SMAD6: variants seen among roughly 807,000 people sequenced by gnomAD.
The protein encoded by SMAD6 is MAD homolog 6.
Under a neutral mutation model 39.4 loss-of-function variants are expected in SMAD6, and 103 were observed. That is an observed-to-expected ratio of 2.62 (90% CI 2.23 to 3.08). SMAD6 has a LOEUF of 3.08. Ranked by LOEUF, SMAD6 falls within the 30% of genes most tolerant of loss-of-function variation. The pLI, the probability that SMAD6 is intolerant of heterozygous loss-of-function variation, is 0.00. For synonymous variants in SMAD6, 445 were observed against 353.3 expected (o/e 1.26, Z -2.91); for missense variants, 1,104 against 742.9 (o/e 1.49, Z -5.65).
chr15:66,764,169 A>C (rs571631722), intron 3 of SMAD6, among the ~76,000 whole-genome samples: 2 of 152,386 alleles, frequency 1.3e-5, no homozygotes, highest in South Asian at 2.1e-4. Context: ...GTTAGAGGTC[A>C]TGCAGAGATC....
intron 3 of SMAD6, among the ~76,000 whole-genome samples, chr15:66,719,112 C>G (rs1371932612): frequency 6.6e-6 from 1 of 152,210 alleles, no homozygotes; most frequent in African/African-American, 2.4e-5. Context: ...GTGTGATTCT[C>G]CCCATTTCAT....
Position 66,781,929 on chromosome 15 carries a change from T to G in SMAD6, c.*394T>G. 1 of 398,960 alleles carries G rather than the reference T, an allele frequency of 2.5e-6. No homozygotes were observed. The highest frequency in any genetic ancestry group is 3.6e-5 in the East Asian group (1 of 28,058). 24.7% of individuals were successfully genotyped at this position (398,960 alleles called of 1,614,324 possible). On this transcript the variant is annotated 3_prime_UTR_variant, in exon 4 of 4. Transcript: ENST00000288840. ...TGGGTTTGGTGTATGGTTTTTGAGA[T>G]ATTAATGCCCAGACAAAAAGCTAAT...
intron 3 of SMAD6, among the ~76,000 whole-genome samples, chr15:66,721,059 G>A (rs1175650468): frequency 1.3e-5 from 2 of 152,194 alleles, no homozygotes; most frequent in African/African-American, 4.8e-5. Context: ...CAGACTGTAA[G>A]CTCCTTGAGG....
At chr15:66,705,022 C>T (rs934410589) in intron 1 of SMAD6, 2 of 152,396 alleles carry the variant, frequency 1.3e-5, no homozygotes, top group Non-Finnish European at 2.9e-5. Flanking sequence ...TAGCTAGCCT[C>T]TGAGGGATGT....
At chr15:66,721,967 G>A (rs1419257692) in intron 3 of SMAD6, among the ~76,000 whole-genome samples, 2 of 152,192 alleles carry the variant, frequency 1.3e-5, no homozygotes, top group Non-Finnish European at 1.5e-5. Flanking sequence ...AGGATTTGGA[G>A]CATTCCAGGT....
At chr15:66,769,111 C>T (rs1003824903) in intron 3 of SMAD6, among the ~76,000 whole-genome samples, 2 of 152,136 alleles carry the variant, frequency 1.3e-5, no homozygotes, top group Non-Finnish European at 1.5e-5. Context: ...TCATCGAGTG[C>T]CGGGTACTGT....
chr15:66,717,312 G>T, intron 3 of SMAD6: 1 of 463,952 alleles, frequency 2.2e-6, no homozygotes, highest in Non-Finnish European at 4.3e-6. Context: ...CTCCATCTGA[G>T]ACATTCTTCC....
chr15:66,748,684 G>A (rs1304275057), intron 3 of SMAD6, among the ~76,000 whole-genome samples: 1 of 152,136 alleles, frequency 6.6e-6, no homozygotes, highest in Non-Finnish European at 1.5e-5. Context: ...GGCCCTTTCA[G>A]GGGAGGGAGT....
intron 3 of SMAD6, among the ~76,000 whole-genome samples, chr15:66,752,979 A>T (rs1342830274): frequency 6.6e-6 from 1 of 152,162 alleles, no homozygotes; most frequent in Non-Finnish European, 1.5e-5. Context: ...ACATTTGCTA[A>T]AGGCATACAT....
At chr15:66,714,708 G>T (rs186107178) in intron 2 of SMAD6, among the ~76,000 whole-genome samples, 1 of 152,190 alleles carries the variant, frequency 6.6e-6, no homozygotes. Flanking sequence ...AGTGATGGAG[G>T]CTGGGAACAT....
Position 66,781,100 on chromosome 15 carries a change from G to T in SMAD6, c.1056G>T (p.Gln352His). 6.2e-7 allele frequency: 1 copy of T among 1,608,706 alleles called. No homozygotes were observed. The highest frequency in any genetic ancestry group is 8.5e-7 in the Non-Finnish European group (1 of 1,179,606). Residue 352 changes from glutamine (Q) to histidine (H), a missense_variant, in exon 4 of 4, where the codon CAG (glutamine) becomes CAT (histidine). Gln to His is a conservative substitution (Grantham distance 24). Coordinates refer to ENST00000288840, the MANE Select transcript of SMAD6 (RefSeq NM_005585.5). ...GCCGCCTCTATGCGGTGTACGACCA[G>T]GCCGTCAGCATCTTCTACGACCTAC... ...RVGRLYAVYD[Q>H]AVSIFYDLPQ...
chr15:66,710,249 C>A (rs1171916072), intron 1 of SMAD6, among the ~76,000 whole-genome samples: 5 of 152,206 alleles, frequency 3.3e-5, no homozygotes, highest in Non-Finnish European at 5.9e-5. Flanking sequence ...GCATAATTAA[C>A]TACTCTGTAC....
Position 66,749,898 on chromosome 15 carries a change from G to T in SMAD6, c.953-31099G>T, listed in dbSNP as rs1023535593. On this transcript the variant is annotated intron_variant, in intron 3 of 3. Transcript: ENST00000288840. The stretch of plus-strand genomic sequence containing the variant: ...TGTTCAGAGTTGCTGGGACAGTGGA[G>T]CCTGCTGCAGATTGGATTTGGCTCT... Among the ~76,000 whole-genome samples the T allele has an allele frequency of 9.8e-5, 15 of 152,330 alleles. No homozygotes were observed. In the South Asian group the frequency reaches 2.9e-3, roughly 29 times the overall value.
In SMAD6 at chr15:66,717,319, T is replaced by G. The variant is rs748391527; in HGVS notation, c.952+821T>G. 1.5e-5 allele frequency: 7 copies of G among 460,496 alleles called. 1 individual carries two copies. The highest frequency in any genetic ancestry group is 9.3e-5 in the South Asian group (6 of 64,654). The allele number at this position is 460,496 out of a possible 1,614,324, so 28.5% of individuals were successfully genotyped here. ...CTGTGTGTCTCCATCTGAGACATTC[T>G]TCCCTCACCCCACATCCATGCCATG... On this transcript the variant is annotated intron_variant, in intron 3 of 3. Coordinates refer to ENST00000288840, the MANE Select transcript of SMAD6 (RefSeq NM_005585.5).
At chr15:66,748,395 G>A (rs1036355878) in intron 3 of SMAD6, among the ~76,000 whole-genome samples, 8 of 152,178 alleles carry the variant, frequency 5.3e-5, no homozygotes, top group Middle Eastern at 3.4e-3. Context: ...TAGTTACCAC[G>A]CACATAATGA....
intron 3 of SMAD6, among the ~76,000 whole-genome samples, chr15:66,744,760 A>G (rs1398435777): frequency 6.6e-6 from 1 of 152,210 alleles, no homozygotes; most frequent in Middle Eastern, 3.2e-3. Flanking sequence ...GGAAAGTGGG[A>G]TAAGCCAGTG....
intron 3 of SMAD6, among the ~76,000 whole-genome samples, chr15:66,771,566 C>T (rs1894379446): frequency 6.6e-6 from 1 of 152,148 alleles, no homozygotes; most frequent in Non-Finnish European, 1.5e-5. Flanking sequence ...CCCCAGATCA[C>T]TCCTAAACCC....
In SMAD6 at chr15:66,702,609, C is replaced by G. The variant is rs1892996179; in HGVS notation, c.-650C>G. 2 of 152,574 alleles carry G rather than the reference C, an allele frequency of 1.3e-5. No homozygotes were observed. Among genetic ancestry groups the G allele is most frequent in the Non-Finnish European group, 1.5e-5 (1 of 68,064 alleles). 9.5% of individuals were successfully genotyped at this position (152,574 alleles called of 1,614,324 possible). A position where few individuals can be genotyped will look rare whatever the true frequency, so the allele number is the denominator to read the frequency against. ...CACCCGCGTCCAGGAGAAACTCGCT[C>G]CAAGTGCATCTAGCGCCTGGGACCT... On this transcript the variant is annotated 5_prime_UTR_variant, in exon 1 of 4. Transcript: ENST00000288840.
chr15:66,761,221 C>T (rs185224350), intron 3 of SMAD6, among the ~76,000 whole-genome samples: 285 of 152,284 alleles, frequency 1.9e-3, no homozygotes, highest in Non-Finnish European at 1.2e-3. Flanking sequence ...CTGTCCCTGT[C>T]CCTCCTGCCC....
Sources: allele counts gnomAD v4.1 joint callset (sites outside exome capture counted in the v4.1 genomes callset), GRCh38; gene constraint gnomAD v4.1.1; transcripts MANE v1.5; gene names NCBI Gene and HGNC (gene_info 2026-07-23, HGNC 2026-07-21).